MATK: variants seen among roughly 807,000 people sequenced by gnomAD.
The protein encoded by MATK is megakaryocyte-associated tyrosine-protein kinase.
In MATK, 41 loss-of-function variants were observed where a neutral mutation model predicts 59.8. The observed-to-expected ratio is 0.69, with a 90% CI of 0.53 to 0.89. MATK has a LOEUF of 0.89. Ranked by LOEUF, MATK falls within the 40% of genes least tolerant of loss-of-function variation. MATK has a pLI of 0.00. For synonymous variants in MATK, 308 were observed against 306.1 expected, an observed-to-expected ratio of 1.01 and a Z score of -0.06; for missense variants, 593 against 719.6, an observed-to-expected ratio of 0.82 and a Z score of 2.01.
chr19:3,780,342 C>G (rs572977595), intron 8 of MATK, among the ~76,000 whole-genome samples: 1 of 152,270 alleles, frequency 6.6e-6, no homozygotes, highest in African/African-American at 2.4e-5. Context: ...GTCTGTGAAC[C>G]CCCACCCCCT....
chr19:3,778,634 G>A, intron 12 of MATK, 39 bp from the exon 13 acceptor site: 1 of 1,571,028 alleles, frequency 6.4e-7, no homozygotes, highest in Non-Finnish European at 8.6e-7. Flanking sequence ...GGACCCCTCA[G>A]GTTTTCTGCT....
intron 1 of MATK, chr19:3,785,515 G>A (rs942696373): frequency 2.9e-5 from 9 of 315,050 alleles, no homozygotes; most frequent in Non-Finnish European, 4.9e-5. Flanking sequence ...CCATCTCCCC[G>A]ACCGCTAGTG....
intron 1 of MATK, among the ~76,000 whole-genome samples, chr19:3,798,516 T>A (rs2037615439): frequency 6.6e-6 from 1 of 152,144 alleles, no homozygotes; most frequent in African/African-American, 2.4e-5. Flanking sequence ...ATTTTTTATT[T>A]TTTTTATTTT....
intron 1 of MATK, among the ~76,000 whole-genome samples, chr19:3,792,278 T>A (rs1400326718): frequency 6.6e-6 from 1 of 152,128 alleles, no homozygotes; most frequent in Non-Finnish European, 1.5e-5. Context: ...CTACAAATAC[T>A]GTTGGAAATC....
chr19:3,795,463 G>A (rs1206739269), intron 1 of MATK, among the ~76,000 whole-genome samples: 1 of 151,594 alleles, frequency 6.6e-6, no homozygotes, highest in African/African-American at 2.4e-5. Flanking sequence ...GTAGAGATGG[G>A]TTTCATGTTG....
intron 12 of MATK, 54 bp from the exon 13 acceptor site, chr19:3,778,649 C>G: frequency 6.5e-7 from 1 of 1,546,718 alleles, no homozygotes; most frequent in Non-Finnish European, 8.8e-7. Context: ...TCTGCTCCAG[C>G]CCCTGCTTCC....
chr19:3,795,393 C>T (rs1256121420), intron 1 of MATK, among the ~76,000 whole-genome samples: 1 of 151,646 alleles, frequency 6.6e-6, no homozygotes, highest in Non-Finnish European at 1.5e-5. Flanking sequence ...ATGTCTCAAC[C>T]TCCCAAGTAG....
chr19:3,789,554 G>C (rs1270389185), upstream of MATK: 1 of 498,120 alleles, frequency 2.0e-6, no homozygotes, highest in East Asian at 3.3e-5. Flanking sequence ...TTCGCAAATT[G>C]TCAAGGGCTG....
rs770898942 is a variant in MATK, at chr19:3,784,012, C to G, written c.384G>C (p.Ser128=). 7.5e-6 allele frequency: 12 copies of G among 1,607,566 alleles called. No individual in the cohort carries two copies. In the East Asian group the frequency reaches 2.2e-4, roughly 30 times the overall value. Residue 128 remains serine, a synonymous_variant, in exon 6 of 14, where the codon TCG becomes TCC. Transcript: ENST00000310132. ...GCAGCTGCTGGACAGCCTCCTGGCC[C>G]GAGATCTTCCCGTGGAACCACCTGC... ...SLMPWFHGKI[S]GQEAVQQLQP...
intron 1 of MATK, among the ~76,000 whole-genome samples, chr19:3,798,122 TATC>T (rs2145117902): frequency 6.6e-6 from 1 of 152,356 alleles, no homozygotes; most frequent in Admixed American, 6.5e-5. Flanking sequence ...CTGGCTGTTA[TATC>T]CTCTATGAGC....
chr19:3,791,135 T>C (rs998341609), upstream of MATK, among the ~76,000 whole-genome samples: 1 of 152,074 alleles, frequency 6.6e-6, no homozygotes, highest in African/African-American at 2.4e-5. Context: ...ATACTCAAAA[T>C]AGTACCAGAA....
Position 3,792,033 on chromosome 19 carries a change from A to G in MATK, c.-57-2629T>C, listed in dbSNP as rs1055272395. 2.0e-5 allele frequency among the ~76,000 whole-genome samples: 3 copies of G among 151,822 alleles called. No homozygotes were observed. In the East Asian group the frequency reaches 5.8e-4, roughly 29 times the overall value. On this transcript the variant is annotated intron_variant, in intron 1 of 13. Coordinates refer to the MATK transcript ENST00000395045. The stretch of plus-strand genomic sequence containing the variant: ...TGAGGTAGGAGAATCGCTTGAATCC[A>G]GGAGGCTGAGGTTGCAGTGAGCCAA...
At chr19:3,789,559 G>A (rs937126302), upstream of MATK, among the ~76,000 whole-genome samples, 3 of 152,122 alleles carry the variant, frequency 2.0e-5, no homozygotes, top group African/African-American at 7.2e-5. Context: ...AAATTGTCAA[G>A]GGCTGGCTGG....
intron 9 of MATK, 40 bp from the exon 10 acceptor site, chr19:3,779,657 C>T (rs773220898): frequency 2.5e-6 from 4 of 1,610,298 alleles, no homozygotes; most frequent in Non-Finnish European, 3.4e-6. Flanking sequence ...GGGCTGGGAC[C>T]CCCCCCGTCC....
At position 3,786,300 on chromosome 19, in the gene MATK, G is replaced by A. The variant is rs559527101; in HGVS notation, c.-283C>T. On this transcript the variant is annotated 5_prime_UTR_variant, in exon 1 of 14. Coordinates refer to ENST00000310132, the MANE Select transcript of MATK (RefSeq NM_139355.3). The surrounding 1 kb of genome is among the most constrained non-coding windows in gnomAD (Gnocchi z 4.1). ...GTTGCTCCGTTTCCTCATTTTGGGG[G>A]CGAAGAAGGGTCGGGGAGTGGGGGA... 2.5e-4 allele frequency: 247 copies of A among 985,018 alleles called. No homozygotes were observed. The African/African-American group carries it at 4.2e-3, about 17-fold the overall frequency. The allele number at this position is 985,018 out of a possible 1,614,324, so 61.0% of individuals were successfully genotyped here. A position where few individuals can be genotyped will look rare whatever the true frequency, so the allele number is the denominator to read the frequency against.
intron 1 of MATK, among the ~76,000 whole-genome samples, chr19:3,798,314 A>G (rs1174795865): frequency 4.0e-5 from 6 of 150,212 alleles, no homozygotes; most frequent in Non-Finnish European, 8.9e-5. Context: ...ATGGAGTGCT[A>G]CAGAGCTGAC....
chr19:3,783,287 C>A, intron 6 of MATK, 68 bp from the exon 7 acceptor site: 1 of 410,704 alleles, frequency 2.4e-6, no homozygotes, highest in Non-Finnish European at 4.8e-6. Flanking sequence ...TGTTCCGTTC[C>A]CGGGTGGCCT....
chr19:3,799,465 A>T (rs1312789840), intron 1 of MATK, among the ~76,000 whole-genome samples: 2 of 152,218 alleles, frequency 1.3e-5, no homozygotes, highest in Non-Finnish European at 2.9e-5. Context: ...CAATGGGAGA[A>T]ATAGGGAAAC....
At chr19:3,784,636 C>T (rs1020957747) in intron 3 of MATK, 185 bp from the exon 4 acceptor site, 50 of 660,682 alleles carry the variant, frequency 7.6e-5, no homozygotes, top group African/African-American at 4.0e-4. Flanking sequence ...AGAGAGAAAT[C>T]GTAGAGTCAC....
Sources: gnomAD v4.1 joint callset for allele counts (sites outside exome capture counted in the v4.1 genomes callset) on GRCh38, gnomAD v4.1.1 for gene constraint, Gnocchi (gnomAD v3.1) non-coding constraint, MANE v1.5 for transcripts, NCBI Gene and HGNC (gene_info 2026-07-23, HGNC 2026-07-21) for gene names.